Variants in ZBTB7C observed in about 807,000 individuals in gnomAD.
ZBTB7C encodes the protein zinc finger and BTB domain containing 7C, also known as zinc finger and BTB domain-containing protein 7C.
In ZBTB7C, 8 loss-of-function variants were observed where a neutral mutation model predicts 25.7. The ratio of observed to expected loss-of-function variants is 0.31; its 90% CI spans 0.18 to 0.56. The LOEUF (loss-of-function observed/expected upper bound fraction) is 0.56, where lower values mean the gene tolerates loss of function less well. Among genes scored for constraint, ZBTB7C ranks in the 20% least tolerant of loss-of-function variants. ZBTB7C has a pLI of 0.91. For synonymous variants in ZBTB7C, 394 were observed against 369.0 expected, an observed-to-expected ratio of 1.07 and a Z score of -0.78; for missense variants, 824 against 855.2, an observed-to-expected ratio of 0.96 and a Z score of 0.46.
At chr18:48,361,466 C>A (rs1018000610) in intron 1 of ZBTB7C, among the ~76,000 whole-genome samples, 2 of 152,186 alleles carry the variant, frequency 1.3e-5, no homozygotes, top group East Asian at 3.8e-4. Flanking sequence ...ACATAGAAAT[C>A]TAATGCACTC....
chr18:48,279,156 C>A lies in ZBTB7C; in HGVS notation c.-79+59018G>T, dbSNP rs1310836611. On this transcript the variant is annotated intron_variant, in intron 2 of 4. Coordinates refer to ENST00000590800, the MANE Select transcript of ZBTB7C (RefSeq NM_001318841.2). ...AGCACCATGGAGACGGTCCCCCCGG[C>A]ACCCCCACTCCTCAGAACACAGACC... Among the ~76,000 whole-genome samples the A allele has an allele frequency of 2.0e-5, 3 of 152,072 alleles. No individual in the cohort carries two copies. The East Asian group carries it at 5.8e-4, about 29-fold the overall frequency.
rs147559869 is a variant in ZBTB7C, at chr18:48,102,546, C to T, written c.-16-61423G>A. Among the ~76,000 whole-genome samples, 9 of 126,352 alleles carry T rather than the reference C, an allele frequency of 7.1e-5. No homozygotes were observed. In the East Asian group the frequency reaches 1.8e-3, roughly 26 times the overall value. The allele number at this position is 126,352 out of a possible 152,430, so 82.9% of individuals were successfully genotyped here. A position where few individuals can be genotyped will look rare whatever the true frequency, so the allele number is the denominator to read the frequency against. On this transcript the variant is annotated intron_variant, in intron 3 of 4. Transcript: ENST00000590800. ...CTCCATTGCACTCCAGGCTGGGTGA[C>T]AGAGTGAGATCCTCCCTCAAAAAAA...
chr18:48,250,128 C>T (rs573452613), intron 2 of ZBTB7C, among the ~76,000 whole-genome samples: 3 of 152,300 alleles, frequency 2.0e-5, no homozygotes, highest in South Asian at 2.1e-4. Context: ...TGGATTTCCC[C>T]AGTGACATGC....
intron 2 of ZBTB7C, among the ~76,000 whole-genome samples, chr18:48,286,095 A>C (rs963940960): frequency 1.3e-5 from 2 of 152,188 alleles, no homozygotes; most frequent in African/African-American, 4.8e-5. Context: ...AGCTCCCACT[A>C]TGCTCAGACT....
chr18:48,191,127 C>A (rs929835840), intron 2 of ZBTB7C, among the ~76,000 whole-genome samples: 21 of 152,332 alleles, frequency 1.4e-4, no homozygotes, highest in Admixed American at 1.3e-3. Flanking sequence ...CCTGCACACA[C>A]CCACCTTGCA....
chr18:48,358,731 T>C (rs542284755), intron 1 of ZBTB7C, among the ~76,000 whole-genome samples: 6 of 152,194 alleles, frequency 3.9e-5, no homozygotes, highest in Admixed American at 1.3e-4. Flanking sequence ...CTAATAAATA[T>C]AGGGCTTCTT....
chr18:48,142,900 C>T (rs549247958), intron 3 of ZBTB7C, among the ~76,000 whole-genome samples: 1 of 151,800 alleles, frequency 6.6e-6, no homozygotes, highest in South Asian at 2.1e-4. Flanking sequence ...CCCTTCCTTC[C>T]CTTCACAGGT....
chr18:48,283,668 T>C (rs2044941237), intron 2 of ZBTB7C, among the ~76,000 whole-genome samples: 1 of 152,200 alleles, frequency 6.6e-6, no homozygotes, highest in South Asian at 2.1e-4. Context: ...GAGTCTCAGT[T>C]CTACCAGTGA....
chr18:48,360,450 C>T (rs112296611), intron 1 of ZBTB7C, among the ~76,000 whole-genome samples: 314 of 152,250 alleles, frequency 2.1e-3, no homozygotes, highest in African/African-American at 7.1e-3. Context: ...TGACATGCCA[C>T]GACAGATTTG....
At chr18:48,143,816 T>A (rs2040420286) in intron 3 of ZBTB7C, among the ~76,000 whole-genome samples, 2 of 152,198 alleles carry the variant, frequency 1.3e-5, no homozygotes, top group Admixed American at 1.3e-4. Flanking sequence ...ACCTTTGATG[T>A]CTCCTCTTGG....
rs1422614686 is a variant in ZBTB7C, at chr18:48,029,826, T to G, written c.1294A>C (p.Asn432His). 1 of 1,609,720 alleles carries G rather than the reference T, an allele frequency of 6.2e-7. No individual in the cohort carries two copies. Among genetic ancestry groups the G allele is most frequent in the Non-Finnish European group, 8.5e-7 (1 of 1,179,992 alleles). ...CIHCNAKFVH[N>H]YDLKNHMRIH... is the part of the protein sequence containing the mutation. ...CGCATGTGGTTCTTGAGGTCGTAGTTGTGCACGAACTTGGCGTTGCAGTGG... is the reference window on the plus strand; with the variant it reads ...CGCATGTGGTTCTTGAGGTCGTAGTGGTGCACGAACTTGGCGTTGCAGTGG... Residue 432 changes from asparagine (N) to histidine (H), a missense_variant, in exon 5 of 5, where the codon AAC (asparagine) becomes CAC (histidine). Transcript: ENST00000590800.
At chr18:48,265,916 T>A (rs2044300268) in intron 2 of ZBTB7C, among the ~76,000 whole-genome samples, 1 of 152,210 alleles carries the variant, frequency 6.6e-6, no homozygotes, top group African/African-American at 2.4e-5. Context: ...AATGAGGGTC[T>A]GAGGATTATG....
At chr18:48,386,530 T>C (rs2047753112) in intron 1 of ZBTB7C, among the ~76,000 whole-genome samples, 1 of 152,150 alleles carries the variant, frequency 6.6e-6, no homozygotes, top group South Asian at 2.1e-4. Context: ...GCGACCATAT[T>C]TTTCAAACCA....
chr18:48,069,609 C>T (rs1223509947), intron 3 of ZBTB7C, among the ~76,000 whole-genome samples: 1 of 152,082 alleles, frequency 6.6e-6, no homozygotes, highest in African/African-American at 2.4e-5. Flanking sequence ...CCCCTCTATC[C>T]TCTCCCACCC....
At chr18:48,244,483 T>C (rs1416913519) in intron 2 of ZBTB7C, among the ~76,000 whole-genome samples, 1 of 152,038 alleles carries the variant, frequency 6.6e-6, no homozygotes, top group East Asian at 1.9e-4. Context: ...ACAAAAGAAA[T>C]AATCAGAAGA....
At chr18:48,080,473 G>A (rs2037939374) in intron 3 of ZBTB7C, among the ~76,000 whole-genome samples, 1 of 152,190 alleles carries the variant, frequency 6.6e-6, no homozygotes, top group Non-Finnish European at 1.5e-5. Flanking sequence ...TAATGTGCAT[G>A]ACAGAAGGAG....
intron 2 of ZBTB7C, among the ~76,000 whole-genome samples, chr18:48,232,808 C>T (rs191830913): frequency 8.5e-5 from 13 of 152,172 alleles, no homozygotes; most frequent in African/African-American, 3.1e-4. Flanking sequence ...CATTTGCATA[C>T]ATCTCATAAG....
intron 1 of ZBTB7C, among the ~76,000 whole-genome samples, chr18:48,380,312 T>C (rs1444199267): frequency 6.6e-6 from 1 of 152,150 alleles, no homozygotes; most frequent in Admixed American, 6.5e-5. Flanking sequence ...AACGGCTACA[T>C]GCGTATATGG....
chr18:48,193,423 C>G (rs1457152879), intron 2 of ZBTB7C, among the ~76,000 whole-genome samples: 3 of 152,138 alleles, frequency 2.0e-5, no homozygotes, highest in Non-Finnish European at 2.9e-5. Flanking sequence ...GTTCAATAAA[C>G]AGGTATTGAA....
Sources: allele counts gnomAD v4.1 joint callset (sites outside exome capture counted in the v4.1 genomes callset), GRCh38; gene constraint gnomAD v4.1.1; transcripts MANE v1.5; gene names NCBI Gene and HGNC (gene_info 2026-07-23, HGNC 2026-07-21).